Variants in DGKI observed in about 807,000 individuals in gnomAD.
DGKI encodes the protein diacylglycerol kinase iota.
DGKI carries 55 observed loss-of-function variants against 147.5 expected under a neutral mutation model. The ratio of observed to expected loss-of-function variants is 0.37; its 90% CI spans 0.30 to 0.47. DGKI has a LOEUF of 0.47. Among genes scored for constraint, DGKI ranks in the 20% least tolerant of loss-of-function variants. DGKI has a pLI of 1.00. For missense variants in DGKI, 1,007 were observed against 1,323.8 expected (o/e 0.76, Z 3.71); for synonymous variants, 469 against 477.1 (o/e 0.98, Z 0.22).
At chr7:137,798,915 T>C (rs1213238998) in intron 1 of DGKI, among the ~76,000 whole-genome samples, 4 of 152,124 alleles carry the variant, frequency 2.6e-5, no homozygotes, top group African/African-American at 9.7e-5. Context: ...ATCATCTCAA[T>C]AGACATAGAA....
At chr7:137,557,880 T>TA (rs1818279898) in intron 19 of DGKI, among the ~76,000 whole-genome samples, 1 of 152,190 alleles carries the variant, frequency 6.6e-6, no homozygotes, top group Non-Finnish European at 1.5e-5. Flanking sequence ...AGCTCTGTTT[T>TA]ATAGCCTGAG....
At chr7:137,787,376 C>A (rs139208887) in intron 1 of DGKI, among the ~76,000 whole-genome samples, 2,940 of 152,202 alleles carry the variant, frequency 0.019, 105 homozygotes, top group African/African-American at 0.065. Context: ...TGCTCAGCAT[C>A]ACTAATTATC....
intron 1 of DGKI, among the ~76,000 whole-genome samples, chr7:137,792,031 G>T (rs962624095): frequency 2.6e-5 from 4 of 152,208 alleles, no homozygotes; most frequent in African/African-American, 9.6e-5. Flanking sequence ...ATACAGCAGA[G>T]AAAAGAGAGT....
At chr7:137,469,493 G>T in intron 24 of DGKI, 57 bp downstream of exon 24, 1 of 1,559,102 alleles carries the variant, frequency 6.4e-7, no homozygotes, top group Non-Finnish European at 8.8e-7. Flanking sequence ...ATCAATTGAT[G>T]CCTTGCTCTT....
intron 1 of DGKI, among the ~76,000 whole-genome samples, chr7:137,809,778 C>T (rs1361783190): frequency 1.3e-5 from 2 of 152,054 alleles, no homozygotes; most frequent in Non-Finnish European, 2.9e-5. Context: ...AGGATGTGTG[C>T]CTGTGGTTCC....
intron 1 of DGKI, among the ~76,000 whole-genome samples, chr7:137,832,518 T>A (rs1798247907): frequency 1.3e-5 from 2 of 152,222 alleles, no homozygotes; most frequent in South Asian, 4.2e-4. Flanking sequence ...CTGGCTGGAG[T>A]GGCTGGGGCA....
chr7:137,781,624 T>G (rs1585484114), intron 1 of DGKI, among the ~76,000 whole-genome samples: 1 of 152,184 alleles, frequency 6.6e-6, no homozygotes, highest in Non-Finnish European at 1.5e-5. Flanking sequence ...AGGCCCCTGT[T>G]GGAGGAGGGA....
At chr7:137,558,312 C>T (rs1413780841) in intron 19 of DGKI, among the ~76,000 whole-genome samples, 1 of 152,150 alleles carries the variant, frequency 6.6e-6, no homozygotes, top group Non-Finnish European at 1.5e-5. Context: ...TGGAGTCTCA[C>T]TCTGTTGCCC....
chr7:137,740,322 A>G (rs1345269983), intron 1 of DGKI, among the ~76,000 whole-genome samples: 1 of 152,210 alleles, frequency 6.6e-6, no homozygotes, highest in Non-Finnish European at 1.5e-5. Flanking sequence ...AGGTTAAAAC[A>G]GTACTGCCTG....
At chr7:137,444,149 A>C in intron 27 of DGKI, 47 bp from the exon 28 acceptor site, 1 of 1,105,610 alleles carries the variant, frequency 9.0e-7, no homozygotes, top group Non-Finnish European at 1.3e-6. Flanking sequence ...TGATAATTAT[A>C]ATGATAATCA....
rs1430254943 is a variant in DGKI at position 137,443,991 on chromosome 7, C to A, written c.2761+86G>T. ...AATATCTTAGAGACATTTGCTTAAA[C>A]AATTATTTGCTCTGACAATGAACTG... On this transcript the variant is annotated intron_variant, in intron 28 of 32. Coordinates refer to ENST00000614521, the MANE Select transcript of DGKI (RefSeq NM_001321708.2). The A allele has an allele frequency of 5.3e-6, 6 of 1,135,366 alleles. No homozygotes were observed. The African/African-American group carries it at 9.6e-5, about 18-fold the overall frequency. The allele number at this position is 1,135,366 out of a possible 1,614,324, so 70.3% of individuals were successfully genotyped here.
At chr7:137,408,462 A>G (rs1463033241) in intron 29 of DGKI, among the ~76,000 whole-genome samples, 1 of 152,174 alleles carries the variant, frequency 6.6e-6, no homozygotes, top group African/African-American at 2.4e-5. Context: ...GAACCTATAT[A>G]CCAAATATCA....
chr7:137,493,477 C>A (rs997729295), intron 21 of DGKI, among the ~76,000 whole-genome samples: 1 of 152,148 alleles, frequency 6.6e-6, no homozygotes, highest in African/African-American at 2.4e-5. Context: ...AGGTTCCTAA[C>A]CCTGAGGAGC....
chr7:137,613,890 G>A (rs776530083), intron 8 of DGKI, among the ~76,000 whole-genome samples: 8 of 152,066 alleles, frequency 5.3e-5, no homozygotes, highest in Admixed American at 1.3e-4. Flanking sequence ...CCTTACACTC[G>A]AAGTGGTTCT....
At chr7:137,745,790 A>C (rs976071854) in intron 1 of DGKI, among the ~76,000 whole-genome samples, 11 of 152,336 alleles carry the variant, frequency 7.2e-5, no homozygotes, top group African/African-American at 1.9e-4. Flanking sequence ...AGAAAAAAAA[A>C]CATATGCTGA....
intron 1 of DGKI, among the ~76,000 whole-genome samples, chr7:137,709,326 T>C (rs890244566): frequency 1.3e-5 from 2 of 152,056 alleles, no homozygotes; most frequent in Non-Finnish European, 2.9e-5. Context: ...GGAGAGAGGA[T>C]ACAGTCAGCA....
At position 137,684,820 on chromosome 7, in the gene DGKI, G is replaced by T. The variant is rs531536268; in HGVS notation, c.510+5074C>A. 2.0e-3 allele frequency among the ~76,000 whole-genome samples: 308 copies of T among 152,288 alleles called. 3 individuals are homozygous for T. The highest frequency in any genetic ancestry group is 7.1e-3 in the African/African-American group (297 of 41,542). The stretch of plus-strand genomic sequence containing the variant: ...TGGGGAAAGATGTGGGGCTGTGGGT[G>T]ATGACACTCAGACCTGATGAAGAGG... On this transcript the variant is annotated intron_variant, in intron 2 of 32. Transcript: ENST00000614521.
chr7:137,801,883 C>T (rs1312807805), intron 1 of DGKI, among the ~76,000 whole-genome samples: 2 of 152,156 alleles, frequency 1.3e-5, no homozygotes, highest in African/African-American at 4.8e-5. Flanking sequence ...GCCCCCCTGC[C>T]CCATCACTCA....
intron 26 of DGKI, 38 bp from the exon 27 acceptor site, chr7:137,463,649 A>G: frequency 6.3e-7 from 1 of 1,599,556 alleles, no homozygotes; most frequent in Non-Finnish European, 8.5e-7. Flanking sequence ...TAAACATTCA[A>G]AGTCAGCCAC....
Sources: gnomAD v4.1 joint callset for allele counts (sites outside exome capture counted in the v4.1 genomes callset) on GRCh38, gnomAD v4.1.1 for gene constraint, MANE v1.5 for transcripts, NCBI Gene and HGNC (gene_info 2026-07-23, HGNC 2026-07-21) for gene names.